The following EIF2S2 variants were observed in gnomAD, a reference collection of about 807,000 sequenced individuals.
The protein encoded by EIF2S2 is eukaryotic translation initiation factor 2 subunit beta.
A neutral mutation model predicts 44.0 loss-of-function variants in EIF2S2; 4 were observed. The observed-to-expected ratio is 0.09, with a 90% confidence interval of 0.04 to 0.21. The LOEUF is 0.21. Among genes scored for constraint, EIF2S2 ranks in the 10% least tolerant of loss-of-function variants. The pLI is 1.00. For missense variants in EIF2S2, 154 were observed against 392.0 expected, an observed-to-expected ratio of 0.39 and a Z score of 5.13; for synonymous variants, 108 against 128.3, an observed-to-expected ratio of 0.84 and a Z score of 1.07.
intron 7 of EIF2S2, among the ~76,000 whole-genome samples, chr20:34,092,552 C>T (rs1313269817): frequency 1.3e-5 from 2 of 152,146 alleles, no homozygotes; most frequent in Non-Finnish European, 1.5e-5. Context: ...CCTGTAGTCC[C>T]AGCTACTCAG....
chr20:34,109,753 C>G (rs912687544), intron 1 of EIF2S2, among the ~76,000 whole-genome samples: 17 of 151,336 alleles, frequency 1.1e-4, no homozygotes, highest in African/African-American at 4.1e-4. Flanking sequence ...GCTTAATTAC[C>G]AGGTTTAAAA....
intron 2 of EIF2S2, 126 bp downstream of exon 2, chr20:34,105,242 C>T: frequency 1.0e-6 from 1 of 953,340 alleles, no homozygotes; most frequent in South Asian, 1.7e-5. Context: ...ATACAGACTA[C>T]TGATGGCCTT....
chr20:34,109,962 G>A (rs774197094), intron 1 of EIF2S2, among the ~76,000 whole-genome samples: 10 of 151,606 alleles, frequency 6.6e-5, no homozygotes, highest in Non-Finnish European at 1.2e-4. Context: ...AGCTGGGCAT[G>A]GTGGCAGGCG....
chr20:34,112,077 G>T lies in EIF2S2; in HGVS notation c.15+19C>A. The T allele has an allele frequency of 1.3e-6, 2 of 1,547,122 alleles. No homozygotes were observed. The highest frequency in any genetic ancestry group is 1.8e-6 in the Non-Finnish European group (2 of 1,142,420). On this transcript the variant is annotated intron_variant, in intron 1 of 8. Coordinates refer to ENST00000374980, the MANE Select transcript of EIF2S2 (RefSeq NM_003908.5). Reference sequence around the variant, plus strand: ...TCTCGCCTCAATCCTTAGCCCTTACGCCGGGCTCAGATCCTCACCTCGTCC... The same window carrying T: ...TCTCGCCTCAATCCTTAGCCCTTACTCCGGGCTCAGATCCTCACCTCGTCC...
In EIF2S2 at chr20:34,112,181, C is replaced by G. The variant is rs568881673; in HGVS notation, c.-71G>C. 6 of 1,467,092 alleles carry G rather than the reference C, an allele frequency of 4.1e-6. No individual in the cohort carries two copies. In the South Asian group the frequency reaches 6.5e-5, roughly 16 times the overall value. 90.9% of individuals were successfully genotyped at this position (1,467,092 alleles called of 1,614,324 possible). A position where few individuals can be genotyped will look rare whatever the true frequency, so the allele number is the denominator to read the frequency against. On this transcript the variant is annotated 5_prime_UTR_variant, in exon 1 of 9. Transcript: ENST00000374980. ...TCAGCCCCAGGCCCCGGCGGCAGCG[C>G]TGCCCCTGCCGATACCTCTCCCACC...
At chr20:34,101,840 A>C (rs1378446039) in intron 3 of EIF2S2, among the ~76,000 whole-genome samples, 1 of 151,924 alleles carries the variant, frequency 6.6e-6, no homozygotes, top group Non-Finnish European at 1.5e-5. Flanking sequence ...ACACCCAGCT[A>C]ATTTTTGTAT....
chr20:34,094,736 A>G (rs1288424462), intron 6 of EIF2S2, among the ~76,000 whole-genome samples: 3 of 152,168 alleles, frequency 2.0e-5, no homozygotes, highest in African/African-American at 4.8e-5. Flanking sequence ...ATACACATAT[A>G]AAATAAAAAA....
At chr20:34,091,784 G>GC (rs1568711519) in intron 7 of EIF2S2, among the ~76,000 whole-genome samples, 7 of 143,102 alleles carry the variant, frequency 4.9e-5, no homozygotes, top group African/African-American at 1.7e-4. Context: ...TTTGGGGGGG[G>GC]GGGGTCCAAG....
chr20:34,110,716 A>C (rs891980095), intron 1 of EIF2S2, among the ~76,000 whole-genome samples: 11 of 152,184 alleles, frequency 7.2e-5, no homozygotes, highest in African/African-American at 2.4e-4. Context: ...TGACCCATAC[A>C]CAGAATAACA....
chr20:34,099,829 A>C (rs1164754232), intron 3 of EIF2S2, among the ~76,000 whole-genome samples: 1 of 152,144 alleles, frequency 6.6e-6, no homozygotes, highest in Non-Finnish European at 1.5e-5. Flanking sequence ...AGCCAAACAT[A>C]AGCAATGCAT....
chr20:34,112,002 C>T, intron 1 of EIF2S2, 94 bp downstream of exon 1: 1 of 1,272,298 alleles, frequency 7.9e-7, no homozygotes, highest in Non-Finnish European at 1.0e-6. Flanking sequence ...ATGGCGGCGG[C>T]CGGCTGCTAG....
chr20:34,090,485 G>C (rs201256994), intron 8 of EIF2S2, 32 bp downstream of exon 8: 1 of 1,314,166 alleles, frequency 7.6e-7, no homozygotes, highest in East Asian at 2.6e-5. Flanking sequence ...GAACATTTCA[G>C]GGTGATCTAA....
At chr20:34,104,851 G>T (rs2034330514) in intron 2 of EIF2S2, among the ~76,000 whole-genome samples, 1 of 152,226 alleles carries the variant, frequency 6.6e-6, no homozygotes, top group Non-Finnish European at 1.5e-5. Flanking sequence ...AATGTCAGTT[G>T]TCTCTATCCT....
At chr20:34,090,227 AGGG>A (rs2034147618) in intron 8 of EIF2S2, among the ~76,000 whole-genome samples, 1 of 152,378 alleles carries the variant, frequency 6.6e-6, no homozygotes, top group East Asian at 1.9e-4. Context: ...TAGGAACAAA[AGGG>A]GGCCAAGGCC....
At chr20:34,094,221 A>T (rs745954688) in intron 6 of EIF2S2, among the ~76,000 whole-genome samples, 44 of 152,326 alleles carry the variant, frequency 2.9e-4, no homozygotes, top group Admixed American at 5.2e-4. Context: ...CCATAAGACC[A>T]TATTACATTT....
At chr20:34,098,671 G>T in intron 3 of EIF2S2, 38 bp from the exon 4 acceptor site, 1 of 1,590,574 alleles carries the variant, frequency 6.3e-7, no homozygotes, top group South Asian at 1.1e-5. Flanking sequence ...TTGATACTGG[G>T]ACTATTCTTT....
intron 3 of EIF2S2, among the ~76,000 whole-genome samples, chr20:34,102,424 A>G (rs1040603471): frequency 2.0e-5 from 3 of 152,234 alleles, no homozygotes; most frequent in African/African-American, 7.2e-5. Context: ...CTCTGCAAAC[A>G]GGAAAAATAT....
Position 34,096,791 on chromosome 20 carries a change from C to T in EIF2S2, c.549G>A (p.Val183=). 2.5e-6 allele frequency: 4 copies of T among 1,607,358 alleles called. No homozygotes were observed. Among genetic ancestry groups the T allele is most frequent in the Non-Finnish European group, 3.4e-6 (4 of 1,178,152 alleles). The change falls in exon 6 of 9, where the codon GTG becomes GTA. Residue 183 remains valine, a synonymous_variant. Coordinates refer to ENST00000374980, the MANE Select transcript of EIF2S2 (RefSeq NM_003908.5). ...DYTYEELLNR[V]FNIMREKNPD... ...GATTCTTTTCCCTCATGATGTTGAA[C>T]ACTCGATTCAGCAGCTATAAAAATA...
At chr20:34,093,151 C>T (rs753349266) in intron 7 of EIF2S2, among the ~76,000 whole-genome samples, 2 of 152,184 alleles carry the variant, frequency 1.3e-5, no homozygotes, top group Non-Finnish European at 2.9e-5. Context: ...AACTCATTGG[C>T]ATGGGGTCCA....
Sources: allele counts gnomAD v4.1 joint callset (sites outside exome capture counted in the v4.1 genomes callset), GRCh38; gene constraint gnomAD v4.1.1; transcripts MANE v1.5; gene names NCBI Gene and HGNC (gene_info 2026-07-23, HGNC 2026-07-21).